Variants in TF observed in about 807,000 individuals in gnomAD.
The protein encoded by TF is transferrin.
A neutral mutation model predicts 82.4 loss-of-function variants in TF; 55 were observed. That is an observed-to-expected ratio of 0.67 (90% CI 0.54 to 0.84). The LOEUF (loss-of-function observed/expected upper bound fraction) is 0.84. Among genes scored for constraint, TF ranks in the 40% least tolerant of loss-of-function variants. TF has a pLI of 0.00. For missense variants in TF, 737 were observed against 868.4 expected (o/e 0.85, Z 1.90); for synonymous variants, 332 against 332.6 (o/e 1.00, Z 0.02).
the TF span, among the ~76,000 whole-genome samples, chr3:133,713,673 G>A: frequency 3.9e-5 from 6 of 152,214 alleles, no homozygotes; most frequent in African/African-American, 1.4e-4. Flanking sequence ...GTGGGAGATA[G>A]TAAGATTTAT....
chr3:133,706,827 C>T, the TF span, among the ~76,000 whole-genome samples: 1 of 152,150 alleles, frequency 6.6e-6, no homozygotes, highest in Non-Finnish European at 1.5e-5. Context: ...AAAGTTGAGG[C>T]ATCATTTCCC....
At chr3:133,668,984 C>G in the TF span, among the ~76,000 whole-genome samples, 2 of 152,096 alleles carry the variant, frequency 1.3e-5, no homozygotes, top group Non-Finnish European at 2.9e-5. Context: ...TTCTCCCTGT[C>G]TCACATCTCT....
the TF span, among the ~76,000 whole-genome samples, chr3:133,708,146 G>A: frequency 1.3e-5 from 2 of 151,902 alleles, no homozygotes; most frequent in African/African-American, 2.4e-5. Context: ...GGGAAAATGG[G>A]CCACAATAAA....
the TF span, among the ~76,000 whole-genome samples, chr3:133,727,532 T>A: frequency 0.033 from 3,444 of 103,702 alleles, 6 homozygotes; most frequent in African/African-American, 0.08. Flanking sequence ...ATCCTTTTAT[T>A]TTGAGCCTAT....
the TF span, among the ~76,000 whole-genome samples, chr3:133,723,586 A>C: frequency 2.1e-5 from 3 of 143,856 alleles, no homozygotes; most frequent in East Asian, 6.1e-4. Context: ...TAATTGTATT[A>C]TTTTATTTTA....
At chr3:133,675,003 T>C in the TF span, among the ~76,000 whole-genome samples, 1 of 152,048 alleles carries the variant, frequency 6.6e-6, no homozygotes, top group Admixed American at 6.6e-5. Context: ...CCCGACACTT[T>C]GGGAGGCCGA....
Position 133,784,471 on chromosome 3 carries a change from A to AAAAT in TF, c.*5853_*5854insATAA, listed in dbSNP as rs763086171. 9.5e-6 allele frequency: 1 copy of AAAAT among 105,602 alleles called. No individual in the cohort carries two copies. Among genetic ancestry groups the AAAAT allele is most frequent in the African/African-American group, 3.8e-5 (1 of 26,570 alleles). 6.5% of individuals were successfully genotyped at this position (105,602 alleles called of 1,614,324 possible). A position where few individuals can be genotyped will look rare whatever the true frequency, so the allele number is the denominator to read the frequency against. ...TCTTGTAAATTCCCATTTGTTAAAA[A>AAAAT]AATAATAATAATAATAATAATAATA... On this transcript the variant is annotated 3_prime_UTR_variant, in exon 17 of 17. Coordinates refer to ENST00000402696, the MANE Select transcript of TF (RefSeq NM_001063.4).
the TF span, among the ~76,000 whole-genome samples, chr3:133,726,835 C>A: frequency 6.6e-6 from 1 of 152,088 alleles, no homozygotes; most frequent in African/African-American, 2.4e-5. Flanking sequence ...CTGAATGCGT[C>A]CCAGAGATTC....
upstream of TF, among the ~76,000 whole-genome samples, chr3:133,745,629 G>C (rs533889064): frequency 4.6e-5 from 7 of 152,220 alleles, no homozygotes; most frequent in Non-Finnish European, 1.0e-4. Context: ...CGTCCACTGG[G>C]CCGCTTGCTT....
chr3:133,768,784 A>ATTT (rs5852766), intron 13 of TF, among the ~76,000 whole-genome samples: 53 of 82,150 alleles, frequency 6.5e-4, no homozygotes, highest in African/African-American at 1.4e-3. Flanking sequence ...GTACCTTGCT[A>ATTT]TTTTTTTTTT....
chr3:133,793,778 T>C lies in TF; in HGVS notation c.*15158T>C, dbSNP rs984247008. ...GCAAAGTCCTAGAATATGGTGTCTT[T>C]TAGGAGATTCATGAAAGATTGGAAA... is the stretch of plus-strand genomic sequence containing the variant. On this transcript the variant is annotated 3_prime_UTR_variant, in exon 17 of 17. Transcript: ENST00000402696. 6.6e-6 allele frequency: 1 copy of C among 152,136 alleles called. No individual in the cohort carries two copies. Among genetic ancestry groups the C allele is most frequent in the African/African-American group, 2.4e-5 (1 of 41,438 alleles). 9.4% of individuals were successfully genotyped at this position (152,136 alleles called of 1,614,324 possible).
chr3:133,767,211 C>T (rs762730193), intron 12 of TF, among the ~76,000 whole-genome samples: 1 of 152,166 alleles, frequency 6.6e-6, no homozygotes, highest in Non-Finnish European at 1.5e-5. Flanking sequence ...TTTTCTATGT[C>T]CTCTGAATAC....
the TF span, among the ~76,000 whole-genome samples, chr3:133,723,384 C>G: frequency 1.3e-5 from 2 of 150,458 alleles, no homozygotes; most frequent in Non-Finnish European, 3.0e-5. Context: ...CTTTCTTAGT[C>G]TCTTCTCATC....
upstream of TF, among the ~76,000 whole-genome samples, chr3:133,741,879 A>T (rs1272195216): frequency 6.6e-6 from 1 of 152,150 alleles, no homozygotes; most frequent in Non-Finnish European, 1.5e-5. Flanking sequence ...TATCTTTGTC[A>T]TGATGTCTTT....
Position 133,783,315 on chromosome 3 carries a change from T to A in TF, c.*4695T>A, listed in dbSNP as rs2107941319. On this transcript the variant is annotated 3_prime_UTR_variant, in exon 17 of 17. Transcript: ENST00000402696. The stretch of plus-strand genomic sequence containing the variant: ...ATATTAAATGCAAATGAGAATTTAT[T>A]ACATGATAAAGCTGGCATTATACTC... 6.6e-6 allele frequency: 1 copy of A among 152,310 alleles called. No individual in the cohort carries two copies. The highest frequency in any genetic ancestry group is 1.5e-5 in the Non-Finnish European group (1 of 68,032). The allele number at this position is 152,310 out of a possible 1,614,324, so 9.4% of individuals were successfully genotyped here. A position where few individuals can be genotyped will look rare whatever the true frequency, so the allele number is the denominator to read the frequency against.
intron 7 of TF, 147 bp downstream of exon 7, chr3:133,757,156 C>G: frequency 8.9e-7 from 1 of 1,122,594 alleles, no homozygotes; most frequent in Non-Finnish European, 1.3e-6. Flanking sequence ...TCTCTAAAAG[C>G]TGGGACTCCC....
chr3:133,724,987 A>C, the TF span, among the ~76,000 whole-genome samples: 1 of 152,070 alleles, frequency 6.6e-6, no homozygotes, highest in African/African-American at 2.4e-5. Context: ...GTTATTTCTG[A>C]GGGCTCTGTT....
At chr3:133,732,762 G>C in the TF span, among the ~76,000 whole-genome samples, 9 of 152,164 alleles carry the variant, frequency 5.9e-5, no homozygotes, top group Non-Finnish European at 1.0e-4. Flanking sequence ...AACACTCGCT[G>C]CAAGGGCCTG....
Position 133,757,774 on chromosome 3 carries a change from T to A in TF, c.876T>A (p.His292Gln). Residue 292 changes from histidine (H) to glutamine (Q), a missense_variant, in exon 8 of 17, where the codon CAT becomes CAA. Transcript: ENST00000402696. ...IWELLNQAQE[H>Q]FGKDKSKEFQ... ...TTCTGTTTTTCTATGAACAGGAACA[T>A]TTTGGCAAAGACAAATCAAAAGAAT... is the stretch of plus-strand genomic sequence containing the variant. The A allele has an allele frequency of 1.9e-6, 3 of 1,614,098 alleles. No homozygotes were observed. Among genetic ancestry groups the A allele is most frequent in the Non-Finnish European group, 2.5e-6 (3 of 1,179,904 alleles).
Sources: allele counts gnomAD v4.1 joint callset (sites outside exome capture counted in the v4.1 genomes callset), GRCh38; gene constraint gnomAD v4.1.1; transcripts MANE v1.5; gene names NCBI Gene and HGNC (gene_info 2026-07-23, HGNC 2026-07-21).